NR6A1: variants seen among roughly 807,000 people sequenced by gnomAD.
The protein encoded by NR6A1 is retinoic acid receptor-related testis-associated receptor.
NR6A1 carries 7 observed loss-of-function variants against 59.1 expected under a neutral mutation model. That is an observed-to-expected ratio of 0.12 (90% CI 0.07 to 0.22). The LOEUF (loss-of-function observed/expected upper bound fraction) is 0.22, where lower values mean the gene tolerates loss of function less well. Among genes scored for constraint, NR6A1 ranks in the 10% least tolerant of loss-of-function variants. NR6A1 has a pLI of 1.00. For synonymous variants in NR6A1, 243 were observed against 236.1 expected, an observed-to-expected ratio of 1.03 and a Z score of -0.27; for missense variants, 468 against 611.6, an observed-to-expected ratio of 0.77 and a Z score of 2.48.
chr9:124,550,148 G>A (rs1395673595), intron 3 of NR6A1, among the ~76,000 whole-genome samples: 2 of 152,062 alleles, frequency 1.3e-5, no homozygotes, highest in Non-Finnish European at 2.9e-5. Context: ...ATATCAGGGG[G>A]TATATACAAT....
At chr9:124,770,250 GA>G (rs1841087605) in intron 1 of NR6A1, 1 of 152,486 alleles carries the variant, frequency 6.6e-6, no homozygotes, top group South Asian at 2.1e-4. Flanking sequence ...TTGCCTGGCG[GA>G]GAGGGGAGCT....
chr9:124,709,849 C>T (rs1313314720), intron 2 of NR6A1, among the ~76,000 whole-genome samples: 3 of 151,572 alleles, frequency 2.0e-5, no homozygotes, highest in Non-Finnish European at 4.4e-5. Context: ...GCAGGAGAAT[C>T]GCTTGAACCT....
rs573684271 is a variant in NR6A1, at chr9:124,585,563, G to C, written c.143-30993C>G. On this transcript the variant is annotated intron_variant, in intron 2 of 9. Coordinates refer to ENST00000487099, the MANE Select transcript of NR6A1 (RefSeq NM_033334.4). ...CATCTCAAAAAAAAAAAAAAAGGGG[G>C]GGGGGGGCAAGGTGAAGCAGCAAGT... 5.4e-3 allele frequency among the ~76,000 whole-genome samples: 744 copies of C among 136,642 alleles called. 36 individuals are homozygous for C. In the East Asian group the frequency reaches 0.098, roughly 18 times the overall value. 89.6% of individuals were successfully genotyped at this position (136,642 alleles called of 152,430 possible). A position where few individuals can be genotyped will look rare whatever the true frequency, so the allele number is the denominator to read the frequency against.
chr9:124,583,096 T>G (rs930067698), intron 2 of NR6A1, among the ~76,000 whole-genome samples: 15 of 152,120 alleles, frequency 9.9e-5, no homozygotes, highest in African/African-American at 2.7e-4. Context: ...TTTCACAAGA[T>G]GTAAGTAAAA....
intron 2 of NR6A1, among the ~76,000 whole-genome samples, chr9:124,728,637 A>AAAAT (rs57250774): frequency 0.46 from 65,867 of 144,722 alleles, 15,206 homozygotes; most frequent in Admixed American, 0.57. Context: ...TCCGCCTCAA[A>AAAAT]AAATAAATAA....
intron 2 of NR6A1, among the ~76,000 whole-genome samples, chr9:124,615,340 G>GAGT (rs1375560304): frequency 6.6e-6 from 1 of 152,132 alleles, no homozygotes; most frequent in African/African-American, 2.4e-5. Flanking sequence ...GAGGAAACTG[G>GAGT]AGTAGGCACA....
chr9:124,538,499 C>CCTT (rs1564169848), intron 5 of NR6A1, among the ~76,000 whole-genome samples, 180 bp from the exon 6 acceptor site: 3 of 152,124 alleles, frequency 2.0e-5, no homozygotes, highest in Admixed American at 6.6e-5. Context: ...ATCTGTAAGA[C>CCTT]AAAGACTCTA....
In NR6A1 at chr9:124,603,854, A is replaced by T. The variant is rs570865944; in HGVS notation, c.143-49284T>A. Among the ~76,000 whole-genome samples, 16 of 152,266 alleles carry T rather than the reference A, an allele frequency of 1.1e-4. 2 individuals carry two copies. Among genetic ancestry groups the T allele is most frequent in the Middle Eastern group, 3.4e-3 (1 of 294 alleles). Reference sequence around the variant, plus strand: ...GCCAAAACCAGTTTTCCCAGTCCCAATTCCAACTCCAGCAAATCTTACCCA... The same window carrying T: ...GCCAAAACCAGTTTTCCCAGTCCCATTTCCAACTCCAGCAAATCTTACCCA... On this transcript the variant is annotated intron_variant, in intron 2 of 9. Coordinates refer to ENST00000487099, the MANE Select transcript of NR6A1 (RefSeq NM_033334.4).
chr9:124,652,797 A>G (rs1294317878), intron 2 of NR6A1, among the ~76,000 whole-genome samples: 1 of 152,158 alleles, frequency 6.6e-6, no homozygotes, highest in East Asian at 1.9e-4. Flanking sequence ...TTACTTTAAA[A>G]AGCCAAGATT....
chr9:124,545,416 C>T (rs1833568707), intron 3 of NR6A1, among the ~76,000 whole-genome samples: 1 of 152,184 alleles, frequency 6.6e-6, no homozygotes, highest in Admixed American at 6.5e-5. Context: ...TAAATGGAGG[C>T]AACAGGGTCG....
At chr9:124,753,678 A>C (rs1256487026) in intron 1 of NR6A1, among the ~76,000 whole-genome samples, 2 of 152,326 alleles carry the variant, frequency 1.3e-5, no homozygotes, top group East Asian at 3.9e-4. Flanking sequence ...TTCAACAACT[A>C]CTTGTTCCCT....
intron 4 of NR6A1, 59 bp from the exon 5 acceptor site, chr9:124,540,246 G>A (rs1833405120): frequency 6.5e-7 from 1 of 1,527,700 alleles, no homozygotes; most frequent in African/African-American, 1.4e-5. Context: ...TCTTTCTTCA[G>A]GACTGAGAGC....
intron 2 of NR6A1, among the ~76,000 whole-genome samples, chr9:124,664,655 C>G (rs906855965): frequency 6.6e-6 from 1 of 152,172 alleles, no homozygotes; most frequent in Non-Finnish European, 1.5e-5. Flanking sequence ...CACAAAAGCT[C>G]TCCAGAGGAA....
intron 2 of NR6A1, among the ~76,000 whole-genome samples, chr9:124,689,261 A>C (rs186882238): frequency 1.0e-3 from 153 of 152,360 alleles, no homozygotes; most frequent in Non-Finnish European, 1.7e-3. Flanking sequence ...GAAGCAAAGA[A>C]ATGGAGAGGT....
At chr9:124,614,990 G>A (rs1835847772) in intron 2 of NR6A1, among the ~76,000 whole-genome samples, 1 of 152,130 alleles carries the variant, frequency 6.6e-6, no homozygotes, top group Non-Finnish European at 1.5e-5. Flanking sequence ...TCTTTTAATG[G>A]TGTTTACTCA....
intron 7 of NR6A1, among the ~76,000 whole-genome samples, chr9:124,534,033 T>C (rs1732886216): frequency 1.3e-5 from 2 of 151,936 alleles, no homozygotes; most frequent in African/African-American, 2.4e-5. Flanking sequence ...AGGTCATTTA[T>C]TGAAATGTCT....
chr9:124,653,335 T>C (rs1837157388), intron 2 of NR6A1, among the ~76,000 whole-genome samples: 1 of 152,136 alleles, frequency 6.6e-6, no homozygotes, highest in Non-Finnish European at 1.5e-5. Flanking sequence ...TATTTTACTA[T>C]GAAAATACTA....
intron 3 of NR6A1, among the ~76,000 whole-genome samples, 191 bp downstream of exon 3, chr9:124,554,137 C>G (rs139889009): frequency 1.3e-5 from 2 of 152,328 alleles, no homozygotes; most frequent in African/African-American, 4.8e-5. Flanking sequence ...ACCTTAACAT[C>G]TCACTAGTTT....
At chr9:124,578,138 T>C (rs535678669) in intron 2 of NR6A1, among the ~76,000 whole-genome samples, 6 of 152,338 alleles carry the variant, frequency 3.9e-5, no homozygotes, top group Non-Finnish European at 7.4e-5. Context: ...TGAGTACTCT[T>C]TGGGACTTCC....
Sources: allele counts gnomAD v4.1 joint callset (sites outside exome capture counted in the v4.1 genomes callset), GRCh38; gene constraint gnomAD v4.1.1; transcripts MANE v1.5; gene names NCBI Gene and HGNC (gene_info 2026-07-23, HGNC 2026-07-21).